The following SDAD1 variants were observed in gnomAD, a reference collection of about 807,000 sequenced individuals.
The protein encoded by SDAD1 is protein SDA1 homolog.
In SDAD1, 79 loss-of-function variants were observed where a neutral mutation model predicts 100.3. That is an observed-to-expected ratio of 0.79 (90% CI 0.66 to 0.95). SDAD1 has a LOEUF of 0.95. SDAD1 is among the 40% of genes least tolerant of loss of function. SDAD1 has a pLI of 0.00. For missense variants in SDAD1, 790 were observed against 810.9 expected (o/e 0.97, Z 0.31); for synonymous variants, 267 against 271.4 (o/e 0.98, Z 0.16).
chr4:75,974,909 G>T (rs1730075691), intron 6 of SDAD1, among the ~76,000 whole-genome samples: 1 of 151,062 alleles, frequency 6.6e-6, no homozygotes, highest in South Asian at 2.1e-4. Context: ...GAGCATGGTG[G>T]TGCATGCCTG....
At chr4:75,976,607 C>T (rs1730171619) in intron 4 of SDAD1, among the ~76,000 whole-genome samples, 1 of 152,126 alleles carries the variant, frequency 6.6e-6, no homozygotes, top group African/African-American at 2.4e-5. Context: ...AATAGAGTTT[C>T]TTTTGGGGGT....
intron 1 of SDAD1, among the ~76,000 whole-genome samples, chr4:75,988,607 C>A (rs1291547099): frequency 6.6e-6 from 1 of 152,096 alleles, no homozygotes; most frequent in Non-Finnish European, 1.5e-5. Context: ...CTGTATATCA[C>A]CCCCTACTAG....
At chr4:75,958,930 TACTAAAAAATACAAAA>T (rs1300355662) in intron 17 of SDAD1, among the ~76,000 whole-genome samples, 2 of 151,084 alleles carry the variant, frequency 1.3e-5, no homozygotes, top group East Asian at 3.9e-4. Context: ...ACCCCGTCTC[TACTAAAAAATACAAAA>T]AATTAGCTAG....
intron 4 of SDAD1, 152 bp from the exon 5 acceptor site, chr4:75,976,147 A>G (rs1343161803): frequency 3.5e-6 from 2 of 572,998 alleles, no homozygotes; most frequent in Admixed American, 6.7e-5. Context: ...AAACAAACAA[A>G]AAAGCAACTA....
At chr4:75,959,936 C>A (rs886243246) in intron 17 of SDAD1, 130 bp downstream of exon 17, 3 of 919,752 alleles carry the variant, frequency 3.3e-6, no homozygotes, top group Non-Finnish European at 4.6e-6. Flanking sequence ...ATACTTCTAA[C>A]AGTGCGTGGC....
intron 16 of SDAD1, 37 bp from the exon 17 acceptor site, chr4:75,960,229 GA>G: frequency 6.6e-7 from 1 of 1,521,964 alleles, no homozygotes; most frequent in Non-Finnish European, 8.8e-7. Flanking sequence ...AAGTTGCTTA[GA>G]TCATAAAACC....
Position 75,957,916 on chromosome 4 carries a change from A to G in SDAD1, c.1509T>C (p.Ser503=). The G allele has an allele frequency of 6.2e-7, 1 of 1,612,870 alleles. No individual in the cohort carries two copies. Residue 503 remains serine (S), a synonymous_variant, in exon 18 of 22, where the codon AGT becomes AGC. Transcript: ENST00000356260. ...ATTCACCATCAGCATCCTCCTCCTC[A>G]CTGAGACTGGTACTTTCCCATCCAT... ...DEDGWESTSL[S]EEEDADGEWI...
intron 14 of SDAD1, among the ~76,000 whole-genome samples, chr4:75,963,403 T>C (rs1307327327): frequency 1.3e-5 from 2 of 152,152 alleles, no homozygotes; most frequent in East Asian, 1.9e-4. Context: ...AACTTTAAAG[T>C]AGTTTTTTCC....
At chr4:75,959,097 CAAAAAAAAAAAAAA>C (rs61245198) in intron 17 of SDAD1, among the ~76,000 whole-genome samples, 57 of 54,986 alleles carry the variant, frequency 1.0e-3, no homozygotes, top group African/African-American at 3.0e-3. Flanking sequence ...GACTCTGTCT[CAAAAAAAAAAAAAA>C]AAAAAAAAAA....
chr4:75,957,681 C>A lies in SDAD1; in HGVS notation c.1606G>T (p.Glu536Ter). 8.7e-6 allele frequency: 14 copies of A among 1,614,212 alleles called. No homozygotes were observed. Among genetic ancestry groups the A allele is most frequent in the Non-Finnish European group, 1.2e-5 (14 of 1,180,040 alleles). Residue 536 changes from glutamate to a stop codon, truncating the protein, a stop_gained, in exon 19 of 22, where the codon GAG becomes TAG. Transcript: ENST00000356260. LOFTEE classifies it high-confidence loss of function. ...ISKKLNSMPM[E>*]ERKAKAAAIS... ...GCTGCAGCTTTGGCCTTCCGCTCCT[C>A]CATGGGCATGCTGTTCAGCTTCTTG...
intron 17 of SDAD1, among the ~76,000 whole-genome samples, chr4:75,959,713 A>G (rs1227846030): frequency 1.3e-5 from 2 of 152,210 alleles, no homozygotes; most frequent in East Asian, 3.8e-4. Context: ...TTCAACATGC[A>G]TTCTCCTTCA....
intron 2 of SDAD1, among the ~76,000 whole-genome samples, 153 bp downstream of exon 2, chr4:75,981,780 T>C (rs1560555215): frequency 6.6e-6 from 1 of 152,214 alleles, no homozygotes; most frequent in Non-Finnish European, 1.5e-5. Flanking sequence ...TAACTCATGA[T>C]AGGGAGAAAA....
At position 75,956,061 on chromosome 4, in the gene SDAD1, C is replaced by T. The variant is rs1728873203; in HGVS notation, c.1930G>A (p.Glu644Lys). 1 of 1,613,416 alleles carries T rather than the reference C, an allele frequency of 6.2e-7. No individual in the cohort carries two copies. Among genetic ancestry groups the T allele is most frequent in the Non-Finnish European group, 8.5e-7 (1 of 1,179,818 alleles). ...TNPFSSSTNK[E>K]KKKQKNFMMM... ...ATAAAGTTCTTCTGTTTTTTCTTCT[C>T]TTTATTTGTCGAACTGGAAAATGGA... The change falls in exon 21 of 22, where the codon GAG (glutamate) becomes AAG (lysine). Residue 644 changes from glutamate to lysine, a missense_variant. Transcript: ENST00000356260.
chr4:75,980,678 C>A (rs1242180519), intron 3 of SDAD1: 1 of 152,460 alleles, frequency 6.6e-6, no homozygotes, highest in East Asian at 1.9e-4. Flanking sequence ...CACTGGAGCA[C>A]ATCCTGCATT....
chr4:75,976,719 A>G (rs1044806983), intron 4 of SDAD1, among the ~76,000 whole-genome samples: 1 of 150,508 alleles, frequency 6.6e-6, no homozygotes, highest in East Asian at 1.9e-4. Flanking sequence ...TTTTACATAA[A>G]TTATATCTCA....
intron 1 of SDAD1, among the ~76,000 whole-genome samples, chr4:75,985,438 C>T (rs1730834617): frequency 6.6e-6 from 1 of 151,618 alleles, no homozygotes. Context: ...GCACTCATAT[C>T]CCTCCAGATT....
intron 21 of SDAD1, among the ~76,000 whole-genome samples, chr4:75,952,404 A>C (rs1728666557): frequency 6.6e-6 from 1 of 152,236 alleles, no homozygotes; most frequent in South Asian, 2.1e-4. Context: ...GCCACCAATT[A>C]AAGAAAAGGA....
intron 14 of SDAD1, among the ~76,000 whole-genome samples, chr4:75,962,428 TG>T (rs1223109486): frequency 1.3e-5 from 2 of 152,258 alleles, no homozygotes; most frequent in African/African-American, 2.4e-5. Context: ...ATGGGATGGC[TG>T]GGTCAAATGG....
chr4:75,981,301 C>G lies in SDAD1; in HGVS notation c.294+71G>C. ...GAAGATAATTAGCTTAGAGGCTGTT[C>G]TCATTTAAATATATATGAACGCAGC... On this transcript the variant is annotated intron_variant, in intron 3 of 21. Transcript: ENST00000356260. The G allele has an allele frequency of 2.2e-6, 3 of 1,376,660 alleles. No homozygotes were observed. In the Admixed American group the frequency reaches 5.5e-5, roughly 25 times the overall value. 85.3% of individuals were successfully genotyped at this position (1,376,660 alleles called of 1,614,324 possible).
Sources: gnomAD v4.1 joint callset for allele counts (sites outside exome capture counted in the v4.1 genomes callset) on GRCh38, gnomAD v4.1.1 for gene constraint, MANE v1.5 for transcripts, NCBI Gene and HGNC (gene_info 2026-07-23, HGNC 2026-07-21) for gene names.